SLC39A10: variants seen among roughly 807,000 people sequenced by gnomAD.
The protein encoded by SLC39A10 is zinc transporter ZIP10.
SLC39A10 carries 13 observed loss-of-function variants against 65.1 expected under a neutral mutation model. That is an observed-to-expected ratio of 0.20 (90% CI 0.13 to 0.32). The LOEUF (loss-of-function observed/expected upper bound fraction) is 0.32, where lower values mean the gene tolerates loss of function less well. SLC39A10 is among the 10% of genes least tolerant of loss of function. The probability of loss-of-function intolerance (pLI) is 1.00; values close to 1 mark genes in which losing one functional copy is unlikely to be tolerated. For missense variants in SLC39A10, 831 were observed against 1,018.4 expected (o/e 0.82, Z 2.50); for synonymous variants, 321 against 342.2 (o/e 0.94, Z 0.68).
intron 3 of SLC39A10, among the ~76,000 whole-genome samples, chr2:195,692,148 T>C (rs1414296799): frequency 6.6e-6 from 1 of 152,180 alleles, no homozygotes; most frequent in East Asian, 1.9e-4. Context: ...TTGTTGAAGA[T>C]CTGTTGGCGT....
intron 3 of SLC39A10, among the ~76,000 whole-genome samples, chr2:195,698,356 T>C (rs2105798509): frequency 6.6e-6 from 1 of 152,294 alleles, no homozygotes; most frequent in Middle Eastern, 3.4e-3. Context: ...TCCAGTACTA[T>C]ATTGAATAGA....
At chr2:195,724,460 T>C (rs1692163353) in intron 8 of SLC39A10, among the ~76,000 whole-genome samples, 1 of 152,178 alleles carries the variant, frequency 6.6e-6, no homozygotes, top group Admixed American at 6.5e-5. Flanking sequence ...GAGATAAGAC[T>C]ACAACCAAGA....
intron 2 of SLC39A10, among the ~76,000 whole-genome samples, chr2:195,637,620 C>T (rs1688719967): frequency 6.6e-6 from 1 of 152,174 alleles, no homozygotes; most frequent in Non-Finnish European, 1.5e-5. Context: ...ATGTACAGCT[C>T]CTGTTGGAAG....
chr2:195,679,525 A>G (rs1690222776), intron 1 of SLC39A10, among the ~76,000 whole-genome samples: 1 of 152,220 alleles, frequency 6.6e-6, no homozygotes, highest in Non-Finnish European at 1.5e-5. Flanking sequence ...CAAAATTCTG[A>G]GATTTTGACT....
chr2:195,653,845 TC>T (rs1689089112), upstream of SLC39A10, among the ~76,000 whole-genome samples: 1 of 152,154 alleles, frequency 6.6e-6, no homozygotes, highest in African/African-American at 2.4e-5. Flanking sequence ...TAGGAAGGGG[TC>T]TTTATCATTG....
chr2:195,698,692 G>C (rs1236284360), intron 3 of SLC39A10, among the ~76,000 whole-genome samples: 1 of 151,324 alleles, frequency 6.6e-6, no homozygotes, highest in African/African-American at 2.4e-5. Flanking sequence ...TTAATATGTT[G>C]CTGGATTTTA....
At chr2:195,646,899 T>C (rs548994858) in intron 2 of SLC39A10, among the ~76,000 whole-genome samples, 1 of 152,302 alleles carries the variant, frequency 6.6e-6, no homozygotes, top group Admixed American at 6.5e-5. Context: ...CCCTGCCATC[T>C]GTGGAAAAAG....
At chr2:195,632,245 A>G (rs1688599462) in intron 2 of SLC39A10, among the ~76,000 whole-genome samples, 1 of 134,730 alleles carries the variant, frequency 7.4e-6, no homozygotes, top group Non-Finnish European at 1.6e-5. Flanking sequence ...GTGAAATTTG[A>G]GTGGTAATGT....
At chr2:195,708,554 A>AT (rs1323309735) in intron 4 of SLC39A10, 102 bp from the exon 5 acceptor site, 5 of 910,108 alleles carry the variant, frequency 5.5e-6, no homozygotes, top group Non-Finnish European at 7.8e-6. Flanking sequence ...CTTGAAAGGT[A>AT]TTTTTTCTGT....
intron 5 of SLC39A10, among the ~76,000 whole-genome samples, chr2:195,709,936 A>C (rs1559044335): frequency 6.6e-6 from 1 of 152,180 alleles, no homozygotes; most frequent in Non-Finnish European, 1.5e-5. Flanking sequence ...TTTTCACACA[A>C]AAAGTGTTTT....
At chr2:195,633,382 G>A (rs1688631030) in intron 2 of SLC39A10, among the ~76,000 whole-genome samples, 2 of 152,236 alleles carry the variant, frequency 1.3e-5, no homozygotes, top group Admixed American at 1.3e-4. Flanking sequence ...GGGACCCGAG[G>A]CAGCGTCTAA....
chr2:195,656,303 TGTGGGTTGGTG>T (rs1294491440), upstream of SLC39A10, among the ~76,000 whole-genome samples: 5 of 151,716 alleles, frequency 3.3e-5, no homozygotes, highest in Admixed American at 3.3e-4. Context: ...TTTAAGAAAA[TGTGGGTTGGTG>T]GTTGCTTAAG....
intron 8 of SLC39A10, among the ~76,000 whole-genome samples, chr2:195,722,123 C>A (rs916949319): frequency 1.3e-4 from 20 of 152,268 alleles, no homozygotes; most frequent in African/African-American, 4.8e-4. Flanking sequence ...ACCAGGAACC[C>A]CTAGTGAGAC....
upstream of SLC39A10, among the ~76,000 whole-genome samples, chr2:195,654,692 T>C (rs947666011): frequency 2.0e-5 from 3 of 152,214 alleles, no homozygotes; most frequent in Non-Finnish European, 4.4e-5. Context: ...TGTCTTACAC[T>C]TTCAGAAAGT....
At position 195,680,755 on chromosome 2, in the gene SLC39A10, G is replaced by A. The variant is rs1414563538; in HGVS notation, c.713G>A (p.Arg238Lys). 1.1e-5 allele frequency: 17 copies of A among 1,613,934 alleles called. No homozygotes were observed. The highest frequency in any genetic ancestry group is 1.4e-5 in the Non-Finnish European group (17 of 1,180,026). ...LPKGKRKKKG[R>K]KSNENSEVIT... The stretch of plus-strand genomic sequence containing the variant: ...AAAGGAAAGAGGAAGAAAAAAGGGA[G>A]GAAAAGTAATGAAAATTCTGAGGTT... Residue 238 changes from arginine (R) to lysine (K), a missense_variant, in exon 2 of 10, where the codon AGG (arginine) becomes AAG (lysine). By Grantham distance (26) the Arg-to-Lys change is conservative. Coordinates refer to ENST00000359634, the MANE Select transcript of SLC39A10 (RefSeq NM_020342.3).
intron 9 of SLC39A10, among the ~76,000 whole-genome samples, chr2:195,732,438 C>CTAATATTTTAAA (rs1692459531): frequency 6.6e-6 from 1 of 152,060 alleles, no homozygotes; most frequent in Non-Finnish European, 1.5e-5. Context: ...ACAAATATGG[C>CTAATATTTTAAA]CATACCGGTA....
Position 195,716,623 on chromosome 2 carries a change from T to C in SLC39A10, c.1697-14T>C. 2 of 1,573,714 alleles carry C rather than the reference T, an allele frequency of 1.3e-6. No homozygotes were observed. The highest frequency in any genetic ancestry group is 1.7e-6 in the Non-Finnish European group (2 of 1,163,086). ...TTAATTATTGATAAAGCATATCCTTTGCTATAAATACAGGAACTGATGACT... is the reference window on the plus strand; with the variant it reads ...TTAATTATTGATAAAGCATATCCTTCGCTATAAATACAGGAACTGATGACT... On this transcript the variant is annotated splice_polypyrimidine_tract_variant and intron_variant, in intron 6 of 9. Coordinates refer to ENST00000359634, the MANE Select transcript of SLC39A10 (RefSeq NM_020342.3).
chr2:195,690,173 GAAAAAAAAAAAAAA>G (rs34116515), intron 3 of SLC39A10, among the ~76,000 whole-genome samples: 1 of 61,150 alleles, frequency 1.6e-5, no homozygotes, highest in Non-Finnish European at 3.1e-5. Flanking sequence ...GAGACTCTCT[GAAAAAAAAAAAAAA>G]AAAAAAAAAA....
At chr2:195,695,642 T>C (rs1391092810) in intron 3 of SLC39A10, among the ~76,000 whole-genome samples, 1 of 152,208 alleles carries the variant, frequency 6.6e-6, no homozygotes, top group East Asian at 1.9e-4. Flanking sequence ...TTTGGTATGT[T>C]GCTGTGGTAG....
Sources: allele counts gnomAD v4.1 joint callset (sites outside exome capture counted in the v4.1 genomes callset), GRCh38; gene constraint gnomAD v4.1.1; transcripts MANE v1.5; gene names NCBI Gene and HGNC (gene_info 2026-07-23, HGNC 2026-07-21).